The following CDH12 variants were observed in gnomAD, a reference collection of about 807,000 sequenced individuals.
The protein encoded by CDH12 is cadherin-12.
CDH12 carries 41 observed loss-of-function variants against 74.1 expected under a neutral mutation model. The ratio of observed to expected loss-of-function variants is 0.55; its 90% CI spans 0.43 to 0.72. The LOEUF is 0.72. Among genes scored for constraint, CDH12 ranks in the 30% least tolerant of loss-of-function variants. The pLI, the probability that CDH12 is intolerant of heterozygous loss-of-function variation, is 0.00. For missense variants in CDH12, 945 were observed against 977.2 expected (o/e 0.97, Z 0.44); for synonymous variants, 399 against 355.0 (o/e 1.12, Z -1.39).
At chr5:22,197,125 G>A (rs1396315350) in intron 4 of CDH12, among the ~76,000 whole-genome samples, 1 of 152,066 alleles carries the variant, frequency 6.6e-6, no homozygotes, top group East Asian at 1.9e-4. Context: ...TTCTAACACA[G>A]GGGCCTTCAA....
intron 1 of CDH12, among the ~76,000 whole-genome samples, chr5:22,742,514 T>A (rs900212825): frequency 1.3e-5 from 2 of 152,036 alleles, no homozygotes; most frequent in African/African-American, 4.8e-5. Flanking sequence ...GAAAAATGGG[T>A]TACTCTGCTA....
intron 2 of CDH12, among the ~76,000 whole-genome samples, chr5:22,436,448 T>A (rs182024667): frequency 0.012 from 1,871 of 151,092 alleles, 22 homozygotes; most frequent in Non-Finnish European, 0.018. Context: ...ATAAAAAAAA[T>A]ATATATATAA....
chr5:22,148,621 G>A, intron 4 of CDH12, among the ~76,000 whole-genome samples: 1 of 152,120 alleles, frequency 6.6e-6, no homozygotes. Context: ...AAGCAGCAGA[G>A]TTGGTTCCTT....
intron 3 of CDH12, among the ~76,000 whole-genome samples, chr5:22,306,346 T>C (rs1291921235): frequency 7.2e-6 from 1 of 138,722 alleles, no homozygotes; most frequent in Non-Finnish European, 1.6e-5. Flanking sequence ...AAAAAAATAA[T>C]GAGAGAGAGA....
chr5:21,957,617 T>C (rs1294566911), intron 6 of CDH12, among the ~76,000 whole-genome samples: 6 of 152,184 alleles, frequency 3.9e-5, no homozygotes, highest in Non-Finnish European at 8.8e-5. Flanking sequence ...TTAACTGGTA[T>C]GAAATTATAT....
intron 4 of CDH12, among the ~76,000 whole-genome samples, chr5:22,178,386 T>G (rs1458391577): frequency 6.6e-6 from 1 of 152,176 alleles, no homozygotes; most frequent in East Asian, 1.9e-4. Context: ...TAAATACCTA[T>G]GGTATTAATA....
intron 1 of CDH12, among the ~76,000 whole-genome samples, chr5:22,847,752 A>C (rs1028243142): frequency 2.0e-5 from 3 of 152,224 alleles, no homozygotes; most frequent in Non-Finnish European, 4.4e-5. Flanking sequence ...AAAATTAATG[A>C]CATTTTCTAA....
chr5:22,001,603 T>C (rs145239369), intron 5 of CDH12, among the ~76,000 whole-genome samples: 2,601 of 152,184 alleles, frequency 0.017, 91 homozygotes, highest in African/African-American at 0.059. Flanking sequence ...ATAGGCATGG[T>C]ACCCAATGGC....
At chr5:21,954,168 A>G (rs963512649) in intron 6 of CDH12, among the ~76,000 whole-genome samples, 1 of 152,136 alleles carries the variant, frequency 6.6e-6, no homozygotes, top group Non-Finnish European at 1.5e-5. Context: ...TTTCATTGCT[A>G]TAATTTTGGT....
rs1258614539 is a variant in CDH12 at position 22,841,059 on chromosome 5, C to T, written c.-523+11999G>A. ...TACTTCCTCTAAGGTAAGTTGGGAACTACCAGTTGATTTTTACCAGACAGG... is the reference window on the plus strand; with the variant it reads ...TACTTCCTCTAAGGTAAGTTGGGAATTACCAGTTGATTTTTACCAGACAGG... On this transcript the variant is annotated intron_variant, in intron 1 of 14. Transcript: ENST00000382254. 3.3e-5 allele frequency among the ~76,000 whole-genome samples: 5 copies of T among 152,208 alleles called. No individual in the cohort carries two copies. In the East Asian group the frequency reaches 9.6e-4, roughly 29 times the overall value.
intron 3 of CDH12, among the ~76,000 whole-genome samples, chr5:22,379,387 T>A (rs546966524): frequency 3.8e-4 from 58 of 152,254 alleles, no homozygotes; most frequent in African/African-American, 1.3e-3. Flanking sequence ...TGTCCAAAAT[T>A]TCCACATCAC....
chr5:22,735,778 A>G (rs527366918), intron 1 of CDH12, among the ~76,000 whole-genome samples: 1 of 152,016 alleles, frequency 6.6e-6, no homozygotes, highest in East Asian at 1.9e-4. Context: ...TTAATTGAAA[A>G]ATGAGTGCTT....
At chr5:22,291,187 C>T (rs1269381966) in intron 3 of CDH12, among the ~76,000 whole-genome samples, 1 of 152,026 alleles carries the variant, frequency 6.6e-6, no homozygotes, top group Non-Finnish European at 1.5e-5. Flanking sequence ...TATAAAAACA[C>T]TCAGCAAATT....
At chr5:22,696,951 G>GAA (rs546877552) in intron 1 of CDH12, among the ~76,000 whole-genome samples, 1 of 143,916 alleles carries the variant, frequency 6.9e-6, no homozygotes, top group Admixed American at 6.9e-5. Context: ...TAATGTTCAA[G>GAA]AAAAAAAAAA....
chr5:22,114,374 C>A (rs1301742620), intron 4 of CDH12, among the ~76,000 whole-genome samples: 1 of 152,004 alleles, frequency 6.6e-6, no homozygotes, highest in Non-Finnish European at 1.5e-5. Flanking sequence ...TTAGTCTTTA[C>A]TCTGGGCATA....
rs1370410819 is a variant in CDH12, at chr5:22,499,822, G to A, written c.-428+5448C>T. Among the ~76,000 whole-genome samples, 10 of 152,114 alleles carry A rather than the reference G, an allele frequency of 6.6e-5. No homozygotes were observed. In the South Asian group the frequency reaches 8.3e-4, roughly 13 times the overall value. ...GATGAAATCATTTAAAAATATGAAC[G>A]AAAATATATTCCAATGCCAAATATA... On this transcript the variant is annotated intron_variant, in intron 2 of 14. Transcript: ENST00000382254.
intron 1 of CDH12, among the ~76,000 whole-genome samples, chr5:22,662,356 G>C (rs1014201184): frequency 1.3e-5 from 2 of 152,116 alleles, no homozygotes; most frequent in Non-Finnish European, 2.9e-5. Context: ...GAAGTGGAGT[G>C]GAGGCTGCCT....
At chr5:22,696,467 T>G (rs1742369936) in intron 1 of CDH12, among the ~76,000 whole-genome samples, 1 of 152,044 alleles carries the variant, frequency 6.6e-6, no homozygotes, top group South Asian at 2.1e-4. Flanking sequence ...AAAACAGAAA[T>G]GTTCAATTTT....
At chr5:22,353,861 A>G (rs111852264) in intron 3 of CDH12, among the ~76,000 whole-genome samples, 33 of 152,192 alleles carry the variant, frequency 2.2e-4, no homozygotes, top group African/African-American at 6.5e-4. Flanking sequence ...CAATGCATCA[A>G]GTGTCTGCAA....
Sources: gnomAD v4.1 joint callset for allele counts (sites outside exome capture counted in the v4.1 genomes callset) on GRCh38, gnomAD v4.1.1 for gene constraint, MANE v1.5 for transcripts, NCBI Gene and HGNC (gene_info 2026-07-23, HGNC 2026-07-21) for gene names.